RPN2: variants seen among roughly 807,000 people sequenced by gnomAD.
RPN2 encodes ribophorin II, also known as dolichyl-diphosphooligosaccharide--protein glycosyltransferase subunit 2.
In RPN2, 29 loss-of-function variants were observed where a neutral mutation model predicts 71.4. That is an observed-to-expected ratio of 0.41 (90% CI 0.30 to 0.55). The LOEUF (loss-of-function observed/expected upper bound fraction) is 0.55. Ranked by LOEUF, RPN2 falls within the 20% of genes least tolerant of loss-of-function variation. RPN2 has a pLI of 0.35. For missense variants in RPN2, 726 were observed against 774.1 expected (o/e 0.94, Z 0.74); for synonymous variants, 308 against 305.0 (o/e 1.01, Z -0.10).
chr20:37,185,743 T>A (rs1489854272), intron 2 of RPN2, among the ~76,000 whole-genome samples: 1 of 152,214 alleles, frequency 6.6e-6, no homozygotes, highest in East Asian at 1.9e-4. Flanking sequence ...TCCTCCTGTC[T>A]CAGCTTCCTG....
chr20:37,212,967 A>G (rs2067711346), intron 8 of RPN2, among the ~76,000 whole-genome samples: 1 of 152,228 alleles, frequency 6.6e-6, no homozygotes, highest in Non-Finnish European at 1.5e-5. Flanking sequence ...TAGTTAGAGT[A>G]AGGAATTCTC....
intron 15 of RPN2, among the ~76,000 whole-genome samples, chr20:37,234,541 C>T (rs1261369331): frequency 6.6e-6 from 1 of 152,208 alleles, no homozygotes; most frequent in Non-Finnish European, 1.5e-5. Context: ...TATCCTGCAT[C>T]GTTCTCTGGA....
chr20:37,214,906 G>T (rs920313170), intron 9 of RPN2, among the ~76,000 whole-genome samples: 1 of 152,072 alleles, frequency 6.6e-6, no homozygotes, highest in Admixed American at 6.6e-5. Context: ...GATGTTGTCT[G>T]TAATAGTTAT....
chr20:37,182,950 CATTT>C (rs146880186), intron 1 of RPN2, among the ~76,000 whole-genome samples: 150 of 152,250 alleles, frequency 9.9e-4, no homozygotes, highest in Admixed American at 1.6e-3. Context: ...TTTTTCTTTT[CATTT>C]ATTCAGCAAA....
intron 16 of RPN2, among the ~76,000 whole-genome samples, chr20:37,240,065 G>A (rs2068512504): frequency 1.3e-5 from 2 of 152,128 alleles, no homozygotes; most frequent in South Asian, 2.1e-4. Context: ...AGTCTCTTGA[G>A]TTTTAAAGTC....
At chr20:37,230,115 C>T (rs2068199604) in intron 13 of RPN2, 56 bp downstream of exon 13, 11 of 1,293,252 alleles carry the variant, frequency 8.5e-6, no homozygotes, top group Non-Finnish European at 1.1e-5. Context: ...CAACAAAGCC[C>T]TGGACAGTGG....
At chr20:37,191,258 C>G (rs889748822) in intron 2 of RPN2, among the ~76,000 whole-genome samples, 1 of 152,090 alleles carries the variant, frequency 6.6e-6, no homozygotes, top group Non-Finnish European at 1.5e-5. Context: ...TGGTGGATCC[C>G]TTGAGGTCAG....
chr20:37,191,594 C>G lies in RPN2; in HGVS notation c.208-6803C>G, dbSNP rs779382496. Among the ~76,000 whole-genome samples, 3 of 151,472 alleles carry G rather than the reference C, an allele frequency of 2.0e-5. No individual in the cohort carries two copies. In the South Asian group the frequency reaches 6.2e-4, roughly 32 times the overall value. On this transcript the variant is annotated intron_variant, in intron 2 of 16. Transcript: ENST00000237530. ...CATCCTGGCTAATACAGTGAAACCC[C>G]GTCTCTACTAAAAATACAAAAAAAT...
Position 37,181,431 on chromosome 20 carries a change from CTT to C in RPN2, c.13+2079_13+2080del, listed in dbSNP as rs748226554. On this transcript the variant is annotated intron_variant, in intron 1 of 16. Coordinates refer to ENST00000237530, the MANE Select transcript of RPN2 (RefSeq NM_002951.5). ...AATGTTTGCATTTGGTTTTTCTTTT[CTT>C]TTTTTTTTTTTTTTTTGAGACAGAG... Among the ~76,000 whole-genome samples the C allele has an allele frequency of 1.9e-3, 246 of 129,396 alleles. 2 individuals are homozygous for C. In the Middle Eastern group the frequency reaches 0.021, roughly 11 times the overall value. 84.9% of individuals were successfully genotyped at this position (129,396 alleles called of 152,430 possible). A position where few individuals can be genotyped will look rare whatever the true frequency, so the allele number is the denominator to read the frequency against.
At position 37,184,272 on chromosome 20, in the gene RPN2, A is replaced by G. The variant is rs776245540; in HGVS notation, c.106A>G (p.Arg36Gly). 6.2e-7 allele frequency: 1 copy of G among 1,614,040 alleles called. No homozygotes were observed. Among genetic ancestry groups the G allele is most frequent in the Non-Finnish European group, 8.5e-7 (1 of 1,180,048 alleles). Residue 36 changes from arginine (R) to glycine (G), a missense_variant, in exon 2 of 17, where the codon AGA becomes GGA. Transcript: ENST00000237530. ...CTACCTCACCAAGCATGACGTGGAGAGACTAAAAGCCTCGCTGGATCGCCC... is the reference window on the plus strand; with the variant it reads ...CTACCTCACCAAGCATGACGTGGAGGGACTAAAAGCCTCGCTGGATCGCCC... ...THYLTKHDVE[R>G]LKASLDRPFT...
chr20:37,232,368 C>T lies in RPN2; in HGVS notation c.1654C>T (p.Pro552Ser). The change falls in exon 14 of 17, where the codon CCG (proline) becomes TCG (serine). Residue 552 changes from proline (P) to serine (S), a missense_variant. Transcript: ENST00000237530. ...TACATTCACTGCCCTGATCCTCTCG[C>T]CGTTGCTTCTGCTCTTCGCTCTGGT... ...SNTFTALILS[P>S]LLLLFALWIR... The T allele has an allele frequency of 6.2e-7, 1 of 1,614,178 alleles. No individual in the cohort carries two copies. Among genetic ancestry groups the T allele is most frequent in the Non-Finnish European group, 8.5e-7 (1 of 1,180,022 alleles).
rs2146731817 is a variant in RPN2 at position 37,241,347 on chromosome 20, G to GTT, written c.*32_*33insTT. 6.2e-7 allele frequency: 1 copy of GTT among 1,610,208 alleles called. No individual in the cohort carries two copies. Among genetic ancestry groups the GTT allele is most frequent in the Non-Finnish European group, 8.5e-7 (1 of 1,177,628 alleles). ...AAGAAAGATGGAAATTCTGAAAACT[G>GTT]AATGTCAAGAAAAGGAGTCAAGAAC... On this transcript the variant is annotated 3_prime_UTR_variant, in exon 17 of 17. Coordinates refer to ENST00000237530, the MANE Select transcript of RPN2 (RefSeq NM_002951.5).
Position 37,189,595 on chromosome 20 carries a change from G to A in RPN2, c.207+5222G>A, listed in dbSNP as rs528212790. On this transcript the variant is annotated intron_variant, in intron 2 of 16. Transcript: ENST00000237530. The stretch of plus-strand genomic sequence containing the variant: ...GTGTGACTCTATTAAAGATACAGAC[G>A]TTTCCTCATGATTACACTCTTATAA... Among the ~76,000 whole-genome samples the A allele has an allele frequency of 5.3e-4, 81 of 152,256 alleles. 1 individual carries two copies. The South Asian group carries it at 0.016, about 31-fold the overall frequency.
intron 4 of RPN2, among the ~76,000 whole-genome samples, chr20:37,199,429 A>G (rs1228468307): frequency 6.6e-6 from 1 of 152,262 alleles, no homozygotes; most frequent in African/African-American, 2.4e-5. Context: ...ACATGGACAC[A>G]GTCTTCTGCA....
At position 37,211,918 on chromosome 20, in the gene RPN2, G is replaced by A. The variant is rs148367706; in HGVS notation, c.986+1753G>A. Among the ~76,000 whole-genome samples the A allele has an allele frequency of 3.1e-3, 464 of 151,352 alleles. 5 individuals carry two copies. The highest frequency in any genetic ancestry group is 0.011 in the African/African-American group (438 of 41,248). On this transcript the variant is annotated intron_variant, in intron 8 of 16. Coordinates refer to ENST00000237530, the MANE Select transcript of RPN2 (RefSeq NM_002951.5). ...ATGCCCGGCTAATTTTCGTATTTTCGGTAGAGATGGGGTTTTACCATGTTG... is the reference window on the plus strand; with the variant it reads ...ATGCCCGGCTAATTTTCGTATTTTCAGTAGAGATGGGGTTTTACCATGTTG...
intron 1 of RPN2, among the ~76,000 whole-genome samples, chr20:37,181,266 G>T: frequency 6.6e-6 from 1 of 151,474 alleles, no homozygotes; most frequent in African/African-American, 2.4e-5. Flanking sequence ...TTCCACTACG[G>T]TGGTATACAA....
chr20:37,221,578 G>C (rs2067959584), intron 9 of RPN2, among the ~76,000 whole-genome samples: 1 of 152,162 alleles, frequency 6.6e-6, no homozygotes, highest in South Asian at 2.1e-4. Context: ...TCTGTTTATG[G>C]ACATTTCAGT....
At chr20:37,232,612 GTACC>G (rs751995437) in intron 14 of RPN2, among the ~76,000 whole-genome samples, 2 of 152,130 alleles carry the variant, frequency 1.3e-5, no homozygotes, top group Non-Finnish European at 1.5e-5. Context: ...GCATGAGAAA[GTACC>G]TAACAGCCAC....
At chr20:37,224,185 T>C (rs1484876604) in intron 10 of RPN2, among the ~76,000 whole-genome samples, 1 of 151,468 alleles carries the variant, frequency 6.6e-6, no homozygotes, top group Non-Finnish European at 1.5e-5. Flanking sequence ...GTTTAGTCCA[T>C]GCACAAACTA....
Sources: allele counts gnomAD v4.1 joint callset (sites outside exome capture counted in the v4.1 genomes callset), GRCh38; gene constraint gnomAD v4.1.1; transcripts MANE v1.5; gene names NCBI Gene and HGNC (gene_info 2026-07-23, HGNC 2026-07-21).